The following METTL15 variants were observed in gnomAD, a reference collection of about 807,000 sequenced individuals.
The protein encoded by METTL15 is methyltransferase 15, mitochondrial 12S rRNA N4-cytidine, also known as 12S rRNA N(4)-cytidine methyltransferase METTL15.
Under a neutral mutation model 38.3 loss-of-function variants are expected in METTL15, and 34 were observed. The ratio of observed to expected loss-of-function variants is 0.89; its 90% CI spans 0.68 to 1.18. METTL15 has a LOEUF of 1.18. METTL15 is among the 50% of genes most tolerant of loss of function. METTL15 has a pLI of 0.00. For synonymous variants in METTL15, 162 were observed against 170.9 expected (o/e 0.95, Z 0.41); for missense variants, 438 against 498.4 (o/e 0.88, Z 1.15).
chr11:28,168,196 G>A (rs1349956054), intron 3 of METTL15, among the ~76,000 whole-genome samples: 4 of 151,734 alleles, frequency 2.6e-5, no homozygotes, highest in African/African-American at 4.8e-5. Flanking sequence ...TTCAGGCATG[G>A]ATGTTTTTCT....
chr11:28,224,669 G>A (rs535705549), intron 4 of METTL15, among the ~76,000 whole-genome samples: 11 of 151,536 alleles, frequency 7.3e-5, no homozygotes, highest in South Asian at 2.1e-4. Context: ...TATTTTTATC[G>A]TATAATTATA....
chr11:28,347,702 T>G (rs1850007442), intron 3 of METTL15, among the ~76,000 whole-genome samples: 1 of 152,220 alleles, frequency 6.6e-6, no homozygotes, highest in Admixed American at 6.5e-5. Flanking sequence ...TTTCTGTGCT[T>G]TCTAGGCACC....
chr11:28,441,835 A>C (rs1236740895), intron 6 of METTL15, among the ~76,000 whole-genome samples: 1 of 152,196 alleles, frequency 6.6e-6, no homozygotes, highest in Non-Finnish European at 1.5e-5. Context: ...CAATCAACCC[A>C]GATTATCATT....
chr11:28,215,408 T>A (rs529563199), intron 4 of METTL15, among the ~76,000 whole-genome samples: 17 of 151,934 alleles, frequency 1.1e-4, no homozygotes, highest in African/African-American at 4.1e-4. Context: ...ATGACCCACG[T>A]TGGAGAAGAG....
intron 6 of METTL15, among the ~76,000 whole-genome samples, chr11:28,438,415 T>C (rs569423611): frequency 6.6e-6 from 1 of 152,298 alleles, no homozygotes; most frequent in South Asian, 2.1e-4. Context: ...GATCTTAAAG[T>C]CCTTCCTTTG....
intron 6 of METTL15, among the ~76,000 whole-genome samples, chr11:28,480,326 A>T (rs1851384656): frequency 6.6e-6 from 1 of 152,322 alleles, no homozygotes; most frequent in Admixed American, 6.5e-5. Context: ...TGAATGCAAA[A>T]TTGGAAAGGG....
intron 3 of METTL15, among the ~76,000 whole-genome samples, chr11:28,174,658 C>A (rs1308811726): frequency 6.6e-6 from 1 of 150,828 alleles, no homozygotes; most frequent in East Asian, 1.9e-4. Context: ...ACTAAAAATA[C>A]AAAAAAAATT....
intron 5 of METTL15, among the ~76,000 whole-genome samples, chr11:28,418,644 T>TAAACAGG (rs1850794139): frequency 6.6e-6 from 1 of 152,146 alleles, no homozygotes; most frequent in Non-Finnish European, 1.5e-5. Context: ...AGTACCTGGT[T>TAAACAGG]TTAGCTTTAT....
chr11:28,110,572 T>G (rs1202910232), intron 2 of METTL15, among the ~76,000 whole-genome samples, 171 bp downstream of exon 2: 3 of 152,184 alleles, frequency 2.0e-5, no homozygotes. Context: ...CCGAATAGTT[T>G]TTCCTCGTCA....
intron 6 of METTL15, among the ~76,000 whole-genome samples, chr11:28,510,906 A>G (rs2133500376): frequency 6.6e-6 from 1 of 152,286 alleles, no homozygotes; most frequent in African/African-American, 2.4e-5. Context: ...CTGGGCACTA[A>G]TTTGGAAATG....
chr11:28,173,766 A>G (rs1051243089), intron 3 of METTL15, among the ~76,000 whole-genome samples: 12 of 152,126 alleles, frequency 7.9e-5, no homozygotes, highest in African/African-American at 2.9e-4. Context: ...CCTCTTGGCT[A>G]TGACAGTTTC....
At position 28,248,262 on chromosome 11, in the gene METTL15, A is replaced by G. The variant is rs756432180; in HGVS notation, c.407+37064A>G. Among the ~76,000 whole-genome samples, 17 of 152,160 alleles carry G rather than the reference A, an allele frequency of 1.1e-4. No individual in the cohort carries two copies. In the South Asian group the frequency reaches 1.5e-3, roughly 13 times the overall value. On this transcript the variant is annotated intron_variant, in intron 4 of 6. Coordinates refer to ENST00000407364, the MANE Select transcript of METTL15 (RefSeq NM_001113528.2). The stretch of plus-strand genomic sequence containing the variant: ...AGACCTCCTCATATTTCCACTTAAT[A>G]CTGACCTCAGGGAGACAAGGAAGCT...
chr11:28,508,056 C>T (rs535275187), intron 6 of METTL15, among the ~76,000 whole-genome samples: 35 of 152,304 alleles, frequency 2.3e-4, no homozygotes, highest in Admixed American at 1.2e-3. Context: ...TAATTTCTAA[C>T]GTCATTTTTT....
chr11:28,484,832 T>G (rs533481149), intron 6 of METTL15, among the ~76,000 whole-genome samples: 1 of 150,638 alleles, frequency 6.6e-6, no homozygotes, highest in South Asian at 2.1e-4. Flanking sequence ...TGAAGGTAAT[T>G]GGCAAAGGGT....
intron 4 of METTL15, among the ~76,000 whole-genome samples, chr11:28,221,247 G>A (rs1470199552): frequency 6.6e-6 from 1 of 152,046 alleles, no homozygotes; most frequent in Non-Finnish European, 1.5e-5. Context: ...TTTCTTGGAG[G>A]CTTTGTTCAT....
chr11:28,293,850 C>T (rs1448126228), intron 5 of METTL15, among the ~76,000 whole-genome samples: 1 of 152,070 alleles, frequency 6.6e-6, no homozygotes, highest in Admixed American at 6.6e-5. Flanking sequence ...TGATTTGGCT[C>T]TCTGTTTGTC....
chr11:28,374,924 C>T (rs1375811760), intron 5 of METTL15, among the ~76,000 whole-genome samples: 1 of 151,818 alleles, frequency 6.6e-6, no homozygotes, highest in South Asian at 2.1e-4. Flanking sequence ...TTGAGATAAT[C>T]ATGTGGTTTT....
chr11:28,133,157 T>A (rs1849394058), intron 3 of METTL15, among the ~76,000 whole-genome samples: 1 of 152,200 alleles, frequency 6.6e-6, no homozygotes, highest in African/African-American at 2.4e-5. Context: ...CGTAATTTTG[T>A]AAATTTTTGT....
intron 3 of METTL15, among the ~76,000 whole-genome samples, chr11:28,146,788 A>C (rs1172800919): frequency 6.6e-6 from 1 of 151,946 alleles, no homozygotes; most frequent in Non-Finnish European, 1.5e-5. Flanking sequence ...TTTACTTAAT[A>C]AAAAACAAAT....
Sources: gnomAD v4.1 joint callset for allele counts (sites outside exome capture counted in the v4.1 genomes callset) on GRCh38, gnomAD v4.1.1 for gene constraint, MANE v1.5 for transcripts, NCBI Gene and HGNC (gene_info 2026-07-23, HGNC 2026-07-21) for gene names.